Variants in TMEM164 observed in about 807,000 individuals in gnomAD.
TMEM164 encodes RP13-360B22.2.
In TMEM164, 4 loss-of-function variants were observed where a neutral mutation model predicts 18.8. That is an observed-to-expected ratio of 0.21 (90% CI 0.10 to 0.49). The LOEUF is 0.49. Ranked by LOEUF, TMEM164 falls within the 20% of genes least tolerant of loss-of-function variation. TMEM164 has a pLI of 0.98. For missense variants in TMEM164, 108 were observed against 239.9 expected (o/e 0.45, Z 3.63); for synonymous variants, 86 against 101.7 (o/e 0.85, Z 0.93).
chrX:110,055,010 A>G (rs1212823867), intron 2 of TMEM164, among the ~76,000 whole-genome samples: 3 of 111,467 alleles, frequency 2.7e-5, no homozygotes, highest in Non-Finnish European at 5.6e-5. Flanking sequence ...GAGCGAGACC[A>G]TATAGGCTTT....
At position 110,010,000 on chromosome X, in the gene TMEM164, A is replaced by T. The variant is rs369733378; in HGVS notation, c.390+5836A>T. Reference sequence around the variant, plus strand: ...AGAGCAAGACTCTGTCTCAAAAAAAAAAAAAAAATCTTTCTGCCTGTTTTT... The same window carrying T: ...AGAGCAAGACTCTGTCTCAAAAAAATAAAAAAAATCTTTCTGCCTGTTTTT... On this transcript the variant is annotated intron_variant, in intron 2 of 6. Coordinates refer to ENST00000372068, the MANE Select transcript of TMEM164 (RefSeq NM_032227.4). Among the ~76,000 whole-genome samples the T allele has an allele frequency of 2.0e-3, 222 of 110,979 alleles. 6 individuals carry two copies. The East Asian group carries it at 0.041, about 21-fold the overall frequency.
At chrX:110,020,690 G>T in intron 2 of TMEM164, 1 of 753,795 alleles carries the variant, frequency 1.3e-6, no homozygotes. Flanking sequence ...TTTACAGGCT[G>T]GTCCCTGTGG....
chrX:110,097,204 T>C (rs2066035724), intron 3 of TMEM164, among the ~76,000 whole-genome samples: 1 of 111,816 alleles, frequency 8.9e-6, no homozygotes, highest in South Asian at 3.7e-4. Flanking sequence ...ACTCCTGACC[T>C]CAAATGATCT....
chrX:110,138,373 A>G (rs151188073), intron 4 of TMEM164, among the ~76,000 whole-genome samples: 2,096 of 112,280 alleles, frequency 0.019, 51 homozygotes, highest in African/African-American at 0.064. Context: ...AGAATAAATG[A>G]TGGAGACAGA....
At position 110,176,367 on chromosome X, in the gene TMEM164, C is replaced by T; in HGVS notation, c.*2916C>T. 1 of 756,562 alleles carries T rather than the reference C, an allele frequency of 1.3e-6. No homozygotes were observed. The highest frequency in any genetic ancestry group is 2.3e-5 in the African/African-American group (1 of 43,811). The allele number at this position is 756,562 out of a possible 1,213,427, so 62.3% of individuals were successfully genotyped here. On this transcript the variant is annotated 3_prime_UTR_variant, in exon 7 of 7. Coordinates refer to ENST00000372068, the MANE Select transcript of TMEM164 (RefSeq NM_032227.4). ...CTGGCCCATCTTCCTCCCAGAGGCA[C>T]AACAGTAACATGTTCCTCTGTCAGC...
intron 5 of TMEM164, among the ~76,000 whole-genome samples, chrX:110,153,326 CCTT>C (rs1164738346): frequency 1.8e-5 from 2 of 111,783 alleles, no homozygotes; most frequent in African/African-American, 3.3e-5. Flanking sequence ...GAATGAATGA[CCTT>C]CTATTCAGGG....
chrX:110,046,435 T>C lies in TMEM164; in HGVS notation c.391-20912T>C, dbSNP rs73636936. Reference sequence around the variant, plus strand: ...GACTGCCCCACCTTGGCCTCTCTTCTCTGCCACAGCAGCATCCAGTCACAG... The same window carrying C: ...GACTGCCCCACCTTGGCCTCTCTTCCCTGCCACAGCAGCATCCAGTCACAG... On this transcript the variant is annotated intron_variant, in intron 2 of 6. Coordinates refer to ENST00000372068, the MANE Select transcript of TMEM164 (RefSeq NM_032227.4). 0.011 allele frequency: 8,456 copies of C among 753,029 alleles called. 380 individuals are homozygous for C. In the African/African-American group the frequency reaches 0.15, roughly 13 times the overall value. The allele number at this position is 753,029 out of a possible 1,213,427, so 62.1% of individuals were successfully genotyped here. A position where few individuals can be genotyped will look rare whatever the true frequency, so the allele number is the denominator to read the frequency against.
At chrX:110,097,765 G>A (rs1257736439) in intron 3 of TMEM164, among the ~76,000 whole-genome samples, 1 of 111,744 alleles carries the variant, frequency 8.9e-6, no homozygotes, top group Non-Finnish European at 1.9e-5. Flanking sequence ...ATATTTTACT[G>A]TATGTTTAAA....
At chrX:110,034,546 T>G in intron 2 of TMEM164, among the ~76,000 whole-genome samples, 1 of 112,239 alleles carries the variant, frequency 8.9e-6, no homozygotes, top group East Asian at 2.8e-4. Context: ...GTGGCAGTGT[T>G]CTACTAAAAC....
At chrX:110,147,828 T>C (rs1456861620) in intron 5 of TMEM164, among the ~76,000 whole-genome samples, 3 of 110,852 alleles carry the variant, frequency 2.7e-5, no homozygotes, top group Non-Finnish European at 3.8e-5. Context: ...AGGACCTTGT[T>C]TTCCCGTAAA....
intron 2 of TMEM164, among the ~76,000 whole-genome samples, chrX:110,053,388 G>C (rs1008806487): frequency 1.8e-5 from 2 of 111,885 alleles, no homozygotes; most frequent in Non-Finnish European, 3.8e-5. Context: ...ACTGATGTAG[G>C]CACCAGGAAA....
At chrX:110,032,471 T>G (rs766008044) in intron 2 of TMEM164, among the ~76,000 whole-genome samples, 3 of 111,325 alleles carry the variant, frequency 2.7e-5, no homozygotes, top group East Asian at 5.6e-4. Flanking sequence ...TTCTAAAAGC[T>G]TAGTTAATTG....
intron 5 of TMEM164, among the ~76,000 whole-genome samples, chrX:110,158,416 G>A (rs2067047738): frequency 8.9e-6 from 1 of 111,974 alleles, no homozygotes; most frequent in South Asian, 3.7e-4. Context: ...GGTCAGTATT[G>A]TTGAAAATCT....
chrX:110,067,864 T>C (rs910278116), intron 3 of TMEM164, among the ~76,000 whole-genome samples: 2 of 112,609 alleles, frequency 1.8e-5, no homozygotes, highest in African/African-American at 6.5e-5. Flanking sequence ...TATTACAAGT[T>C]CAGACTTTCA....
intron 3 of TMEM164, among the ~76,000 whole-genome samples, chrX:110,074,750 T>C (rs1243627807): frequency 8.9e-6 from 1 of 112,115 alleles, no homozygotes; most frequent in Non-Finnish European, 1.9e-5. Flanking sequence ...TTGACTTTGC[T>C]GAACATCACA....
intron 2 of TMEM164, among the ~76,000 whole-genome samples, chrX:110,051,601 G>GAAAT (rs1454678410): frequency 9.1e-6 from 1 of 109,318 alleles, no homozygotes; most frequent in Non-Finnish European, 1.9e-5. Flanking sequence ...AAAAAAGAAA[G>GAAAT]AAAGAAAGAA....
At chrX:110,066,594 A>G (rs1936350225) in intron 2 of TMEM164, among the ~76,000 whole-genome samples, 3 of 112,011 alleles carry the variant, frequency 2.7e-5, no homozygotes, top group African/African-American at 3.2e-5. Context: ...TCTGCATAGG[A>G]CTTTTTTGTT....
chrX:110,092,362 G>T (rs1347793388), intron 3 of TMEM164, among the ~76,000 whole-genome samples: 2 of 111,919 alleles, frequency 1.8e-5, no homozygotes, highest in African/African-American at 6.5e-5. Context: ...TCTTCCATTT[G>T]TTTGTATCCT....
intron 4 of TMEM164, among the ~76,000 whole-genome samples, chrX:110,115,252 A>T (rs997035648): frequency 8.9e-6 from 1 of 112,447 alleles, no homozygotes; most frequent in Admixed American, 9.5e-5. Flanking sequence ...TATTTCTGTG[A>T]CTGGCAAATT....
Sources: allele counts gnomAD v4.1 joint callset (sites outside exome capture counted in the v4.1 genomes callset), GRCh38; gene constraint gnomAD v4.1.1; transcripts MANE v1.5; gene names NCBI Gene and HGNC (gene_info 2026-07-23, HGNC 2026-07-21).